ZBTB20: variants seen among roughly 807,000 people sequenced by gnomAD.
The protein encoded by ZBTB20 is zinc finger and BTB domain containing 20.
Under a neutral mutation model 56.9 loss-of-function variants are expected in ZBTB20, and 9 were observed. The ratio of observed to expected loss-of-function variants is 0.16; its 90% confidence interval spans 0.10 to 0.28. The LOEUF (loss-of-function observed/expected upper bound fraction) is 0.28, where lower values mean the gene tolerates loss of function less well. ZBTB20 is among the 10% of genes least tolerant of loss of function. The probability of loss-of-function intolerance (pLI) is 1.00; values close to 1 mark genes in which losing one functional copy is unlikely to be tolerated. For synonymous variants in ZBTB20, 417 were observed against 420.7 expected (o/e 0.99, Z 0.11); for missense variants, 655 against 1,003.0 (o/e 0.65, Z 4.69).
At chr3:114,793,104 T>G (rs2071086584) in intron 5 of ZBTB20, among the ~76,000 whole-genome samples, 1 of 152,032 alleles carries the variant, frequency 6.6e-6, no homozygotes, top group Non-Finnish European at 1.5e-5. Context: ...GGTCTCGAAT[T>G]CCTAACTTCA....
chr3:114,665,658 A>T (rs2061006468), intron 6 of ZBTB20, among the ~76,000 whole-genome samples: 1 of 152,066 alleles, frequency 6.6e-6, no homozygotes, highest in African/African-American at 2.4e-5. Context: ...ATAACATAAC[A>T]ACTCAGGGTG....
intron 4 of ZBTB20, among the ~76,000 whole-genome samples, chr3:114,834,171 C>T (rs1349204255): frequency 6.6e-6 from 1 of 152,146 alleles, no homozygotes; most frequent in Admixed American, 6.6e-5. Flanking sequence ...TAAATCTCTG[C>T]TACACTGTAT....
At chr3:114,370,360 C>G (rs1052830445) in intron 10 of ZBTB20, among the ~76,000 whole-genome samples, 1 of 152,114 alleles carries the variant, frequency 6.6e-6, no homozygotes, top group Admixed American at 6.6e-5. Flanking sequence ...TCTTTATGGT[C>G]TTTTTTGTGA....
intron 3 of ZBTB20, among the ~76,000 whole-genome samples, chr3:114,901,246 CAAGA>C (rs2075107402): frequency 6.8e-6 from 1 of 148,034 alleles, no homozygotes; most frequent in Non-Finnish European, 1.5e-5. Flanking sequence ...GCCTGGGTGA[CAAGA>C]GAGAGGCTCC....
intron 10 of ZBTB20, among the ~76,000 whole-genome samples, chr3:114,361,144 A>G (rs115097462): frequency 0.011 from 1,739 of 152,254 alleles, 32 homozygotes; most frequent in African/African-American, 0.039. Context: ...AAATTATCTG[A>G]TTTCACTTCA....
chr3:115,019,385 G>A (rs185248735), intron 2 of ZBTB20, among the ~76,000 whole-genome samples: 1 of 151,278 alleles, frequency 6.6e-6, no homozygotes, highest in Admixed American at 6.6e-5. Flanking sequence ...TAATTACCTG[G>A]GATTTAGTGA....
intron 5 of ZBTB20, among the ~76,000 whole-genome samples, chr3:114,775,474 T>C (rs1164931394): frequency 6.9e-6 from 1 of 144,670 alleles, no homozygotes; most frequent in Non-Finnish European, 1.5e-5. Flanking sequence ...CCTTATTTAA[T>C]TTTTTTTTTC....
intron 3 of ZBTB20, among the ~76,000 whole-genome samples, chr3:114,952,037 A>G (rs2077083199): frequency 6.6e-6 from 1 of 152,146 alleles, no homozygotes; most frequent in African/African-American, 2.4e-5. Context: ...AATATGAGCA[A>G]TAAAGAAAAA....
rs1171330285 is a variant in ZBTB20, at chr3:114,662,293, C to T, written c.-295+31235G>A. Reference sequence around the variant, plus strand: ...TGTATATATGCCACATTTTCTTAATCCAGTCTATCATTGTTGGACATTTGG... The same window carrying T: ...TGTATATATGCCACATTTTCTTAATTCAGTCTATCATTGTTGGACATTTGG... On this transcript the variant is annotated intron_variant, in intron 6 of 11. Coordinates refer to ENST00000675478, the MANE Select transcript of ZBTB20 (RefSeq NM_001348800.3). 3.3e-5 allele frequency among the ~76,000 whole-genome samples: 5 copies of T among 151,438 alleles called. No homozygotes were observed. In the South Asian group the frequency reaches 6.3e-4, roughly 19 times the overall value.
intron 6 of ZBTB20, among the ~76,000 whole-genome samples, chr3:114,544,406 C>CTTTCTTTCT: frequency 8.2e-6 from 1 of 121,408 alleles, no homozygotes; most frequent in Non-Finnish European, 1.7e-5. Context: ...AACTAGATTT[C>CTTTCTTTCT]TTCTTTCTTT....
chr3:114,509,651 C>T (rs1465782156), intron 6 of ZBTB20, among the ~76,000 whole-genome samples: 4 of 152,114 alleles, frequency 2.6e-5, no homozygotes, highest in African/African-American at 7.2e-5. Context: ...TCTCTGTATA[C>T]TCCATGAAGT....
intron 6 of ZBTB20, among the ~76,000 whole-genome samples, chr3:114,599,823 C>A (rs1311560513): frequency 5.3e-5 from 8 of 151,904 alleles, no homozygotes; most frequent in Non-Finnish European, 1.2e-4. Flanking sequence ...AGACTCATTC[C>A]AAATCTTCCT....
chr3:114,831,503 A>T (rs544348906), intron 4 of ZBTB20, among the ~76,000 whole-genome samples: 2 of 152,020 alleles, frequency 1.3e-5, no homozygotes, highest in African/African-American at 4.8e-5. Context: ...ATTACTCTAC[A>T]GTGTCTAACT....
At chr3:114,755,091 T>C (rs929116842) in intron 5 of ZBTB20, among the ~76,000 whole-genome samples, 1 of 152,160 alleles carries the variant, frequency 6.6e-6, no homozygotes, top group Non-Finnish European at 1.5e-5. Flanking sequence ...GGAATCTCCA[T>C]TTTAACAGGT....
chr3:114,889,021 T>C (rs1241566298), intron 4 of ZBTB20, among the ~76,000 whole-genome samples: 2 of 152,030 alleles, frequency 1.3e-5, no homozygotes, highest in African/African-American at 4.8e-5. Context: ...AACAATGAAA[T>C]GTAGTGTAAA....
At chr3:114,961,058 G>A (rs563223371) in intron 3 of ZBTB20, among the ~76,000 whole-genome samples, 5 of 151,796 alleles carry the variant, frequency 3.3e-5, no homozygotes, top group African/African-American at 9.7e-5. Flanking sequence ...GTGAAGAAAT[G>A]GAAATAGAGA....
chr3:114,717,789 C>T (rs562792354), intron 5 of ZBTB20, among the ~76,000 whole-genome samples: 2 of 151,714 alleles, frequency 1.3e-5, no homozygotes, highest in East Asian at 3.9e-4. Context: ...CTACTGTTGC[C>T]AAATGCAATG....
chr3:114,351,922 T>A, intron 10 of ZBTB20, 44 bp from the exon 11 acceptor site: 2 of 1,555,246 alleles, frequency 1.3e-6, no homozygotes, highest in Non-Finnish European at 1.7e-6. Flanking sequence ...ATGGGTCAGA[T>A]CTAGCTGGTT....
chr3:115,047,303 G>A (rs2081368013), intron 2 of ZBTB20, among the ~76,000 whole-genome samples: 1 of 152,096 alleles, frequency 6.6e-6, no homozygotes, highest in Non-Finnish European at 1.5e-5. Flanking sequence ...AGCTTCCTTT[G>A]ATTATTTGAC....
Sources: allele counts gnomAD v4.1 joint callset (sites outside exome capture counted in the v4.1 genomes callset), GRCh38; gene constraint gnomAD v4.1.1; transcripts MANE v1.5; gene names NCBI Gene and HGNC (gene_info 2026-07-23, HGNC 2026-07-21).